The following DDX10 variants were observed in gnomAD, a reference collection of about 807,000 sequenced individuals.
DDX10 encodes probable ATP-dependent RNA helicase DDX10.
Under a neutral mutation model 104.3 loss-of-function variants are expected in DDX10, and 74 were observed. The observed-to-expected ratio is 0.71, with a 90% CI of 0.59 to 0.86. The LOEUF (loss-of-function observed/expected upper bound fraction) is 0.86, where lower values mean the gene tolerates loss of function less well. DDX10 is among the 40% of genes least tolerant of loss of function. The pLI is 0.00. For synonymous variants in DDX10, 351 were observed against 353.4 expected, an observed-to-expected ratio of 0.99 and a Z score of 0.08; for missense variants, 952 against 1,040.0, an observed-to-expected ratio of 0.92 and a Z score of 1.16.
chr11:108,669,257 CTAATTTTTTTGG>C (rs2094214012), intron 1 of DDX10, among the ~76,000 whole-genome samples: 1 of 152,076 alleles, frequency 6.6e-6, no homozygotes, highest in Non-Finnish European at 1.5e-5. Flanking sequence ...CCAGGCCTGG[CTAATTTTTTTGG>C]TAATTTTTGT....
At chr11:108,757,309 C>A (rs893553210) in intron 13 of DDX10, among the ~76,000 whole-genome samples, 2 of 152,054 alleles carry the variant, frequency 1.3e-5, no homozygotes, top group East Asian at 1.9e-4. Context: ...GTGTATCTGT[C>A]TGTGTAACAT....
At chr11:108,739,658 C>T (rs1393249773) in intron 13 of DDX10, among the ~76,000 whole-genome samples, 2 of 151,990 alleles carry the variant, frequency 1.3e-5, no homozygotes, top group African/African-American at 4.8e-5. Flanking sequence ...GATTCTTTAC[C>T]CCAATTTGAG....
intron 13 of DDX10, among the ~76,000 whole-genome samples, chr11:108,832,027 A>G (rs1016729073): frequency 2.0e-5 from 3 of 152,184 alleles, no homozygotes; most frequent in South Asian, 2.1e-4. Context: ...GATGTTTTAC[A>G]TATTGTCAGC....
At chr11:108,830,960 C>T (rs1862461207) in intron 13 of DDX10, among the ~76,000 whole-genome samples, 1 of 152,122 alleles carries the variant, frequency 6.6e-6, no homozygotes, top group Non-Finnish European at 1.5e-5. Context: ...TTTAGGGTGA[C>T]TGAGGCATTA....
At chr11:108,690,051 A>C (rs1268495048) in intron 7 of DDX10, among the ~76,000 whole-genome samples, 1 of 106,110 alleles carries the variant, frequency 9.4e-6, no homozygotes, top group Non-Finnish European at 2.1e-5. Flanking sequence ...CCCTGTCTTT[A>C]AAAAAAAAAA....
intron 16 of DDX10, among the ~76,000 whole-genome samples, chr11:108,895,340 T>C (rs962090505): frequency 6.6e-6 from 1 of 151,894 alleles, no homozygotes; most frequent in Non-Finnish European, 1.5e-5. Flanking sequence ...AAGTCTCCTT[T>C]GGGTATAAAC....
chr11:108,801,278 A>G (rs1400068860), intron 13 of DDX10, among the ~76,000 whole-genome samples: 3 of 152,232 alleles, frequency 2.0e-5, no homozygotes, highest in Admixed American at 6.5e-5. Flanking sequence ...ACGAGAAATG[A>G]CAGGTTTGAT....
At chr11:108,896,448 T>G (rs1483381544) in intron 16 of DDX10, among the ~76,000 whole-genome samples, 2 of 152,140 alleles carry the variant, frequency 1.3e-5, no homozygotes, top group Non-Finnish European at 2.9e-5. Flanking sequence ...TGTGGTGTGT[T>G]ATTGTGAGTG....
At chr11:108,687,571 C>T (rs1303384917) in intron 6 of DDX10, among the ~76,000 whole-genome samples, 1 of 152,144 alleles carries the variant, frequency 6.6e-6, no homozygotes, top group Non-Finnish European at 1.5e-5. Flanking sequence ...TACATATCCT[C>T]TTTGGAGAGG....
chr11:108,871,700 G>A, intron 16 of DDX10, among the ~76,000 whole-genome samples: 1 of 152,100 alleles, frequency 6.6e-6, no homozygotes, highest in Non-Finnish European at 1.5e-5. Flanking sequence ...GGCCGAGGTG[G>A]GTGTATCACC....
intron 16 of DDX10, among the ~76,000 whole-genome samples, chr11:108,905,409 C>G (rs1863583007): frequency 6.7e-6 from 1 of 150,110 alleles, no homozygotes; most frequent in South Asian, 2.1e-4. Context: ...TACTAACTCA[C>G]TGTGAACACT....
intron 13 of DDX10, among the ~76,000 whole-genome samples, chr11:108,732,567 T>C (rs918526184): frequency 9.2e-5 from 14 of 152,208 alleles, no homozygotes; most frequent in Non-Finnish European, 1.8e-4. Context: ...TCTGGAATGC[T>C]GCCTTGTCAC....
At chr11:108,803,325 G>A (rs141533832) in intron 13 of DDX10, among the ~76,000 whole-genome samples, 2,338 of 151,082 alleles carry the variant, frequency 0.015, 57 homozygotes, top group African/African-American at 0.054. Flanking sequence ...CAGCCACGGC[G>A]GCTCACGCCT....
chr11:108,831,179 G>A (rs1862464670), intron 13 of DDX10, among the ~76,000 whole-genome samples: 1 of 152,132 alleles, frequency 6.6e-6, no homozygotes. Flanking sequence ...TCTGAGGTGG[G>A]TGGATCACGA....
chr11:108,834,000 A>G (rs545363096), intron 13 of DDX10, among the ~76,000 whole-genome samples: 11 of 152,216 alleles, frequency 7.2e-5, no homozygotes, highest in African/African-American at 2.6e-4. Context: ...CTTTGATCCA[A>G]GCTAGATTGC....
intron 16 of DDX10, among the ~76,000 whole-genome samples, chr11:108,880,168 C>T (rs1483489161): frequency 1.3e-5 from 2 of 152,168 alleles, no homozygotes; most frequent in East Asian, 3.9e-4. Flanking sequence ...AGATTGGTTT[C>T]TGAGGAGGAC....
intron 16 of DDX10, among the ~76,000 whole-genome samples, chr11:108,862,182 C>T (rs2134615259): frequency 6.6e-6 from 1 of 152,226 alleles, no homozygotes; most frequent in South Asian, 2.1e-4. Context: ...CCAAATCTGG[C>T]TAATTTTCTA....
chr11:108,746,893 A>G (rs1001722944), intron 13 of DDX10, among the ~76,000 whole-genome samples: 7 of 152,130 alleles, frequency 4.6e-5, no homozygotes, highest in African/African-American at 1.7e-4. Flanking sequence ...TTGGTTTGCT[A>G]TAGAAATGTT....
chr11:108,812,853 A>C (rs1170197115), intron 13 of DDX10, among the ~76,000 whole-genome samples: 4 of 151,774 alleles, frequency 2.6e-5, no homozygotes, highest in Non-Finnish European at 4.4e-5. Flanking sequence ...ATGGTGGCAC[A>C]TGTCTGTAAT....
Sources: allele counts gnomAD v4.1 joint callset (sites outside exome capture counted in the v4.1 genomes callset), GRCh38; gene constraint gnomAD v4.1.1; transcripts MANE v1.5; gene names NCBI Gene and HGNC (gene_info 2026-07-23, HGNC 2026-07-21).